The following GLIS3 variants were observed in gnomAD, a reference collection of about 807,000 sequenced individuals.
The protein encoded by GLIS3 is zinc finger protein GLIS3.
A neutral mutation model predicts 78.6 loss-of-function variants in GLIS3; 53 were observed. That is an observed-to-expected ratio of 0.67 (90% CI 0.54 to 0.85). The LOEUF (loss-of-function observed/expected upper bound fraction) is 0.85. Among genes scored for constraint, GLIS3 ranks in the 40% least tolerant of loss-of-function variants. GLIS3 has a pLI of 0.00. For missense variants in GLIS3, 1,703 were observed against 1,231.1 expected, an observed-to-expected ratio of 1.38 and a Z score of -5.74; for synonymous variants, 684 against 509.9, an observed-to-expected ratio of 1.34 and a Z score of -4.60.
chr9:4,199,228 G>A (rs1819140216), intron 2 of GLIS3, among the ~76,000 whole-genome samples: 1 of 152,128 alleles, frequency 6.6e-6, no homozygotes, highest in Non-Finnish European at 1.5e-5. Context: ...AACCCTGAAT[G>A]AAATGGCCTA....
chr9:4,402,388 A>T, the GLIS3 span, among the ~76,000 whole-genome samples: 18 of 152,338 alleles, frequency 1.2e-4, no homozygotes, highest in African/African-American at 4.1e-4. Flanking sequence ...AGATTACAAT[A>T]AGTACCAAAC....
intron 2 of GLIS3, among the ~76,000 whole-genome samples, chr9:4,312,415 C>G (rs1200666351): frequency 6.6e-6 from 1 of 152,144 alleles, no homozygotes; most frequent in Non-Finnish European, 1.5e-5. Context: ...TTGCAGTAAG[C>G]TGAGATGGCA....
chr9:4,141,078 G>T (rs886074881), intron 2 of GLIS3, among the ~76,000 whole-genome samples: 4 of 152,160 alleles, frequency 2.6e-5, no homozygotes, highest in Non-Finnish European at 5.9e-5. Flanking sequence ...GAGATTATAG[G>T]TGTGAGCCAC....
the GLIS3 span, among the ~76,000 whole-genome samples, chr9:4,409,714 C>T: frequency 6.6e-6 from 1 of 151,922 alleles, no homozygotes; most frequent in Non-Finnish European, 1.5e-5. Flanking sequence ...GTTGAAGAAG[C>T]AAGGAACAAA....
intron 4 of GLIS3, among the ~76,000 whole-genome samples, chr9:4,043,289 G>A (rs780478989): frequency 1.4e-4 from 21 of 152,262 alleles, no homozygotes; most frequent in Middle Eastern, 3.4e-3. Context: ...AGTATGAAGT[G>A]TAGAGTGTTG....
At chr9:4,112,797 G>T (rs527436658) in intron 4 of GLIS3, among the ~76,000 whole-genome samples, 1 of 152,100 alleles carries the variant, frequency 6.6e-6, no homozygotes, top group East Asian at 1.9e-4. Context: ...CAAATAGGCA[G>T]TAAAGTATAC....
chr9:3,988,577 A>G (rs1233033520), intron 4 of GLIS3, among the ~76,000 whole-genome samples: 1 of 152,204 alleles, frequency 6.6e-6, no homozygotes, highest in Non-Finnish European at 1.5e-5. Flanking sequence ...TCGATTGAAC[A>G]GAATAGACAA....
chr9:3,987,781 A>C (rs1467073101), intron 4 of GLIS3, among the ~76,000 whole-genome samples: 10 of 146,214 alleles, frequency 6.8e-5, no homozygotes, highest in African/African-American at 1.2e-4. Flanking sequence ...AAAAAAAAAA[A>C]AAAAAAACAA....
At chr9:3,950,666 G>A (rs1231883882) in intron 4 of GLIS3, among the ~76,000 whole-genome samples, 3 of 152,174 alleles carry the variant, frequency 2.0e-5, no homozygotes, top group Non-Finnish European at 4.4e-5. Context: ...GTTATGTTTA[G>A]TCTCTCACAT....
At chr9:4,028,320 T>C (rs1823522274) in intron 4 of GLIS3, among the ~76,000 whole-genome samples, 1 of 152,182 alleles carries the variant, frequency 6.6e-6, no homozygotes, top group Non-Finnish European at 1.5e-5. Flanking sequence ...TCTAGCATAA[T>C]GCATTACTTC....
At position 3,944,172 on chromosome 9, in the gene GLIS3, C is replaced by T. The variant is rs1227899337; in HGVS notation, c.1711-6983G>A. 2.6e-5 allele frequency among the ~76,000 whole-genome samples: 4 copies of T among 151,908 alleles called. No individual in the cohort carries two copies. The South Asian group carries it at 6.3e-4, about 24-fold the overall frequency. On this transcript the variant is annotated intron_variant, in intron 4 of 10. Coordinates refer to ENST00000381971, the MANE Select transcript of GLIS3 (RefSeq NM_001042413.2). ...TGAGGTAGCAAATTTCATGAGAGTT[C>T]GGCTTAAAAAATGAAAATGAAAAAA...
chr9:4,061,688 A>G (rs1184106254), intron 4 of GLIS3, among the ~76,000 whole-genome samples: 2 of 152,224 alleles, frequency 1.3e-5, no homozygotes, highest in Non-Finnish European at 2.9e-5. Flanking sequence ...AAAGTTCAGC[A>G]AAATATCTGA....
At chr9:4,084,281 A>ACC (rs1564025038) in intron 4 of GLIS3, among the ~76,000 whole-genome samples, 1 of 138,252 alleles carries the variant, frequency 7.2e-6, no homozygotes, top group Admixed American at 7.5e-5. Context: ...ACACACACAC[A>ACC]CACACACACA....
At chr9:4,444,387 C>T in the GLIS3 span, among the ~76,000 whole-genome samples, 1 of 152,204 alleles carries the variant, frequency 6.6e-6, no homozygotes, top group East Asian at 1.9e-4. Flanking sequence ...CCTAACCTTC[C>T]TGTCTGCATT....
intron 2 of GLIS3, among the ~76,000 whole-genome samples, chr9:4,229,437 AAG>A (rs1302357592): frequency 6.6e-6 from 1 of 152,228 alleles, no homozygotes; most frequent in African/African-American, 2.4e-5. Flanking sequence ...ATCTGAGCAA[AAG>A]AGCACAACCT....
At chr9:4,142,971 C>G (rs1407438022) in intron 2 of GLIS3, among the ~76,000 whole-genome samples, 3 of 152,096 alleles carry the variant, frequency 2.0e-5, no homozygotes, top group Admixed American at 2.0e-4. Flanking sequence ...ATCCGCTTCC[C>G]TTTCTTCTCT....
intron 8 of GLIS3, among the ~76,000 whole-genome samples, chr9:3,877,375 G>A (rs1225056538): frequency 6.6e-6 from 1 of 152,204 alleles, no homozygotes; most frequent in South Asian, 2.1e-4. Context: ...TCTTGTGGGA[G>A]GAGGCTAATG....
intron 9 of GLIS3, among the ~76,000 whole-genome samples, chr9:3,845,168 G>T (rs1296709998): frequency 2.0e-5 from 3 of 151,982 alleles, no homozygotes; most frequent in Non-Finnish European, 4.4e-5. Flanking sequence ...TGAAAAAAAT[G>T]TTCATCAATA....
intron 6 of GLIS3, among the ~76,000 whole-genome samples, chr9:3,917,705 C>T (rs1351632255): frequency 3.3e-5 from 5 of 152,054 alleles, no homozygotes; most frequent in East Asian, 1.9e-4. Flanking sequence ...GAAACGACCT[C>T]ACCCAGGTCC....
Sources: gnomAD v4.1 joint callset for allele counts (sites outside exome capture counted in the v4.1 genomes callset) on GRCh38, gnomAD v4.1.1 for gene constraint, MANE v1.5 for transcripts, NCBI Gene and HGNC (gene_info 2026-07-23, HGNC 2026-07-21) for gene names.